Variants in LRMDA observed in about 807,000 individuals in gnomAD.
LRMDA encodes leucine-rich melanocyte differentiation-associated protein.
LRMDA carries 18 observed loss-of-function variants against 29.8 expected under a neutral mutation model. The observed-to-expected ratio is 0.60, with a 90% CI of 0.42 to 0.90. The LOEUF (loss-of-function observed/expected upper bound fraction) is 0.90, where lower values mean the gene tolerates loss of function less well. Among genes scored for constraint, LRMDA ranks in the 40% least tolerant of loss-of-function variants. The pLI is 0.00. For missense variants in LRMDA, 273 were observed against 273.9 expected, an observed-to-expected ratio of 1.00 and a Z score of 0.02; for synonymous variants, 125 against 109.4, an observed-to-expected ratio of 1.14 and a Z score of -0.89.
At chr10:75,592,085 C>T (rs1465052034) in intron 2 of LRMDA, among the ~76,000 whole-genome samples, 3 of 151,906 alleles carry the variant, frequency 2.0e-5, no homozygotes, top group Non-Finnish European at 2.9e-5. Context: ...GAAAAAGCAA[C>T]CCAGGCAGAG....
chr10:75,761,794 G>GTT (rs796289608), intron 2 of LRMDA, among the ~76,000 whole-genome samples: 19 of 121,648 alleles, frequency 1.6e-4, no homozygotes, highest in Admixed American at 2.4e-4. Flanking sequence ...GTATACTTTT[G>GTT]TTTTTTTTTT....
chr10:76,061,676 G>A lies in LRMDA; in HGVS notation c.516+2893G>A, dbSNP rs552360748. On this transcript the variant is annotated intron_variant, in intron 5 of 6. Coordinates refer to ENST00000611255, the MANE Select transcript of LRMDA (RefSeq NM_001305581.2). ...GTCTGTGCTCCCGTTTCATGGATGA[G>A]GGAGCTGGGAGAGGGTGTAGTTTCC... Among the ~76,000 whole-genome samples the A allele has an allele frequency of 2.2e-3, 333 of 152,268 alleles. 2 individuals are homozygous for A. The highest frequency in any genetic ancestry group is 7.4e-3 in the African/African-American group (309 of 41,540).
intron 5 of LRMDA, among the ~76,000 whole-genome samples, chr10:76,124,691 C>T (rs1264511796): frequency 6.6e-6 from 1 of 152,214 alleles, no homozygotes; most frequent in Admixed American, 6.5e-5. Flanking sequence ...GGTCAATGCC[C>T]TTAGCATTAA....
Position 76,075,133 on chromosome 10 carries a change from C to T in LRMDA, c.516+16350C>T, listed in dbSNP as rs183791296. 3.3e-4 allele frequency among the ~76,000 whole-genome samples: 51 copies of T among 152,280 alleles called. 1 individual carries two copies. Among genetic ancestry groups the T allele is most frequent in the South Asian group, 1.9e-3 (9 of 4,820 alleles). ...TAACTGCAAAAAAGCCTGGGAAATG[C>T]GGACATTGTGCACTGACCTGTGTCC... is the stretch of plus-strand genomic sequence containing the variant. On this transcript the variant is annotated intron_variant, in intron 5 of 6. Transcript: ENST00000611255.
At chr10:76,146,167 G>A (rs1014795360) in intron 5 of LRMDA, among the ~76,000 whole-genome samples, 6 of 152,290 alleles carry the variant, frequency 3.9e-5, no homozygotes, top group African/African-American at 9.6e-5. Flanking sequence ...TGTATATTCC[G>A]TTGATTTGGG....
At chr10:76,420,037 C>T (rs989360798) in intron 6 of LRMDA, among the ~76,000 whole-genome samples, 8 of 151,924 alleles carry the variant, frequency 5.3e-5, no homozygotes, top group East Asian at 1.9e-4. Flanking sequence ...TGGTAATGCT[C>T]TTATTAAATG....
At chr10:75,686,683 A>G (rs866780647) in intron 2 of LRMDA, among the ~76,000 whole-genome samples, 22 of 152,254 alleles carry the variant, frequency 1.4e-4, no homozygotes, top group African/African-American at 4.8e-4. Flanking sequence ...TCTATGAACT[A>G]CAGCCATTTT....
intron 2 of LRMDA, among the ~76,000 whole-genome samples, chr10:75,509,157 T>A (rs1419881293): frequency 6.6e-6 from 1 of 152,198 alleles, no homozygotes; most frequent in Non-Finnish European, 1.5e-5. Flanking sequence ...TTGGCTGCTG[T>A]TTGTTGGCCC....
At chr10:76,530,759 AAC>A (rs1843224864) in intron 6 of LRMDA, among the ~76,000 whole-genome samples, 1 of 152,216 alleles carries the variant, frequency 6.6e-6, no homozygotes, top group Admixed American at 6.5e-5. Context: ...CATGGAATGA[AAC>A]ACAAAATGTT....
At chr10:75,496,039 C>A (rs1350621355) in intron 2 of LRMDA, among the ~76,000 whole-genome samples, 1 of 152,188 alleles carries the variant, frequency 6.6e-6, no homozygotes, top group Non-Finnish European at 1.5e-5. Context: ...ATGAGTTGTG[C>A]TACCTCTGAA....
At chr10:75,651,793 T>C (rs1398037400) in intron 2 of LRMDA, among the ~76,000 whole-genome samples, 1 of 152,152 alleles carries the variant, frequency 6.6e-6, no homozygotes, top group Non-Finnish European at 1.5e-5. Context: ...AGCTATATGA[T>C]GGTGGGTTTT....
rs1033966571 is a variant in LRMDA at position 76,396,889 on chromosome 10, C to A, written c.601+72404C>A. Among the ~76,000 whole-genome samples, 15 of 152,256 alleles carry A rather than the reference C, an allele frequency of 9.9e-5. No homozygotes were observed. In the East Asian group the frequency reaches 2.9e-3, roughly 29 times the overall value. On this transcript the variant is annotated intron_variant, in intron 6 of 6. Transcript: ENST00000611255. The stretch of plus-strand genomic sequence containing the variant: ...TACTTGCACTTATTTTCCTGAGAGT[C>A]TGAGGAATCACATTCTCATTGCTGC...
intron 2 of LRMDA, among the ~76,000 whole-genome samples, chr10:76,030,986 C>T (rs1406278851): frequency 6.6e-6 from 1 of 152,186 alleles, no homozygotes; most frequent in South Asian, 2.1e-4. Flanking sequence ...TGCCGTGTGC[C>T]AGGCACTGCA....
intron 2 of LRMDA, among the ~76,000 whole-genome samples, chr10:75,767,058 G>C (rs1253962941): frequency 6.6e-6 from 1 of 152,150 alleles, no homozygotes; most frequent in Admixed American, 6.5e-5. Flanking sequence ...GGGCATTTGT[G>C]TTGGTTTCAA....
chr10:75,566,690 G>A (rs935704034), intron 2 of LRMDA, among the ~76,000 whole-genome samples: 2 of 151,852 alleles, frequency 1.3e-5, no homozygotes, highest in African/African-American at 4.8e-5. Context: ...TAATTTTCTG[G>A]CTGCTTTTTT....
In LRMDA at chr10:76,439,097, G is replaced by T. The variant is rs184066568; in HGVS notation, c.601+114612G>T. 3.8e-3 allele frequency among the ~76,000 whole-genome samples: 576 copies of T among 152,168 alleles called. 3 individuals carry two copies. The highest frequency in any genetic ancestry group is 0.034 in the Middle Eastern group (10 of 294). ...TAAACATGAGTGAAATTAATTTTTG[G>T]CTGCTTAGTCCATTAATATTTTACC... On this transcript the variant is annotated intron_variant, in intron 6 of 6. Transcript: ENST00000611255.
At chr10:75,844,828 A>C (rs1564584057) in intron 2 of LRMDA, among the ~76,000 whole-genome samples, 3 of 152,164 alleles carry the variant, frequency 2.0e-5, no homozygotes. Context: ...ATTTTCATAT[A>C]TATCGAATAG....
intron 2 of LRMDA, among the ~76,000 whole-genome samples, chr10:75,593,930 G>T (rs1330404528): frequency 6.6e-6 from 1 of 152,186 alleles, no homozygotes; most frequent in Non-Finnish European, 1.5e-5. Flanking sequence ...CTGCTGCCGC[G>T]GGATGATCCT....
At chr10:75,616,832 T>C (rs1170106536) in intron 2 of LRMDA, among the ~76,000 whole-genome samples, 1 of 152,214 alleles carries the variant, frequency 6.6e-6, no homozygotes, top group African/African-American at 2.4e-5. Flanking sequence ...ATGGTTTGAT[T>C]TGAAGGGATT....
Sources: allele counts gnomAD v4.1 joint callset (sites outside exome capture counted in the v4.1 genomes callset), GRCh38; gene constraint gnomAD v4.1.1; transcripts MANE v1.5; gene names NCBI Gene and HGNC (gene_info 2026-07-23, HGNC 2026-07-21).